Variants in CSMD1 observed in about 807,000 individuals in gnomAD.
CSMD1 encodes the protein CUB and Sushi multiple domains 1, also known as CUB and sushi domain-containing protein 1.
In CSMD1, 213 loss-of-function variants were observed where a neutral mutation model predicts 417.5. The observed-to-expected ratio is 0.51, with a 90% CI of 0.46 to 0.57. CSMD1 has a LOEUF of 0.57. CSMD1 is among the 20% of genes least tolerant of loss of function. The probability of loss-of-function intolerance (pLI) is 0.00; values close to 1 mark genes in which losing one functional copy is unlikely to be tolerated. For missense variants in CSMD1, 6,923 were observed against 4,529.7 expected (o/e 1.53, Z -15.17); for synonymous variants, 2,862 against 1,736.8 (o/e 1.65, Z -16.11).
At chr8:4,862,910 C>G (rs1802220977) in intron 1 of CSMD1, among the ~76,000 whole-genome samples, 1 of 151,938 alleles carries the variant, frequency 6.6e-6, no homozygotes, top group Admixed American at 6.6e-5. Context: ...GTGGGAGACA[C>G]AGCACCAAGA....
At position 3,452,110 on chromosome 8, in the gene CSMD1, C is replaced by G. The variant is rs564550517; in HGVS notation, c.1561+16602G>C. Reference sequence around the variant, plus strand: ...ATGGGAGTTCACTCATGATTTGGCTCTCTGTTTGTCTGTTATTGTTTTATA... The same window carrying G: ...ATGGGAGTTCACTCATGATTTGGCTGTCTGTTTGTCTGTTATTGTTTTATA... On this transcript the variant is annotated intron_variant, in intron 12 of 69. Coordinates refer to ENST00000635120, the MANE Select transcript of CSMD1 (RefSeq NM_033225.6). Among the ~76,000 whole-genome samples the G allele has an allele frequency of 2.3e-3, 349 of 152,232 alleles. 3 individuals carry two copies. Among genetic ancestry groups the G allele is most frequent in the African/African-American group, 8.0e-3 (331 of 41,540 alleles).
At chr8:4,106,053 G>A (rs543213733) in intron 3 of CSMD1, among the ~76,000 whole-genome samples, 13 of 152,314 alleles carry the variant, frequency 8.5e-5, no homozygotes, top group African/African-American at 3.1e-4. Context: ...CCAGATTTTA[G>A]GGGTGCCAGG....
intron 26 of CSMD1, among the ~76,000 whole-genome samples, chr8:3,276,779 A>G (rs1802326977): frequency 6.6e-6 from 1 of 152,224 alleles, no homozygotes; most frequent in African/African-American, 2.4e-5. Flanking sequence ...GCAAAGTCAT[A>G]CTAATATTTT....
At chr8:4,388,729 T>C (rs1267725220) in intron 3 of CSMD1, among the ~76,000 whole-genome samples, 2 of 152,210 alleles carry the variant, frequency 1.3e-5, no homozygotes, top group Non-Finnish European at 2.9e-5. Context: ...TACTTGTTTA[T>C]ACTTGGCAGA....
intron 35 of CSMD1, among the ~76,000 whole-genome samples, chr8:3,188,635 T>C (rs954895558): frequency 3.3e-5 from 5 of 152,022 alleles, no homozygotes; most frequent in African/African-American, 1.2e-4. Context: ...AATGGTACTT[T>C]TGATAGTTTT....
In CSMD1 at chr8:3,531,973, T is replaced by A. The variant is rs138386410; in HGVS notation, c.1345-38247A>T. Among the ~76,000 whole-genome samples the A allele has an allele frequency of 2.5e-3, 384 of 152,298 alleles. 2 individuals are homozygous for A. The highest frequency in any genetic ancestry group is 3.9e-3 in the Non-Finnish European group (267 of 68,026). ...CCACCTGCAAAATAAAAGACTGGAA[T>A]GGGGGATCCCACAGATTCATGCCCT... On this transcript the variant is annotated intron_variant, in intron 10 of 69. Coordinates refer to ENST00000635120, the MANE Select transcript of CSMD1 (RefSeq NM_033225.6).
At chr8:4,330,965 A>G (rs1051712757) in intron 3 of CSMD1, among the ~76,000 whole-genome samples, 1 of 151,910 alleles carries the variant, frequency 6.6e-6, no homozygotes, top group African/African-American at 2.4e-5. Flanking sequence ...TAAATGCAAG[A>G]CCCCCCGACA....
chr8:3,403,816 T>C (rs1001249801), intron 15 of CSMD1, among the ~76,000 whole-genome samples: 7 of 152,214 alleles, frequency 4.6e-5, no homozygotes, highest in Admixed American at 2.0e-4. Flanking sequence ...TGTGTATATA[T>C]TTACTCATTT....
chr8:3,904,269 C>T (rs1033259442), intron 5 of CSMD1, among the ~76,000 whole-genome samples: 1 of 152,184 alleles, frequency 6.6e-6, no homozygotes, highest in Non-Finnish European at 1.5e-5. Flanking sequence ...CCTTACCAAA[C>T]AAATCATAGG....
chr8:4,410,040 T>A (rs944702954), intron 3 of CSMD1, among the ~76,000 whole-genome samples: 3 of 152,072 alleles, frequency 2.0e-5, no homozygotes, highest in African/African-American at 7.2e-5. Context: ...TATCAAACTC[T>A]TGACCTTGTG....
chr8:3,948,102 A>G (rs1403219124), intron 5 of CSMD1, among the ~76,000 whole-genome samples: 1 of 152,140 alleles, frequency 6.6e-6, no homozygotes, highest in Non-Finnish European at 1.5e-5. Context: ...GCTACTCCGG[A>G]GGATGAGGCA....
At chr8:3,036,956 T>C (rs1030663517) in intron 50 of CSMD1, among the ~76,000 whole-genome samples, 4 of 152,302 alleles carry the variant, frequency 2.6e-5, no homozygotes, top group African/African-American at 9.6e-5. Context: ...TGTAGTCTTT[T>C]ATCCCTCACC....
At chr8:4,132,640 A>G (rs576317192) in intron 3 of CSMD1, among the ~76,000 whole-genome samples, 1 of 152,304 alleles carries the variant, frequency 6.6e-6, no homozygotes, top group South Asian at 2.1e-4. Flanking sequence ...TAAGCCAAAT[A>G]AATATTCTAT....
intron 1 of CSMD1, among the ~76,000 whole-genome samples, chr8:4,875,885 T>C (rs577541195): frequency 6.6e-6 from 1 of 152,070 alleles, no homozygotes; most frequent in African/African-American, 2.4e-5. Flanking sequence ...AGCCATTTAG[T>C]GAATATTTAA....
chr8:3,518,757 T>C (rs935995952), intron 10 of CSMD1, among the ~76,000 whole-genome samples: 1 of 152,128 alleles, frequency 6.6e-6, no homozygotes, highest in South Asian at 2.1e-4. Context: ...AACAGTTCAT[T>C]ACATGCTCTG....
intron 25 of CSMD1, among the ~76,000 whole-genome samples, chr8:3,286,218 G>T (rs1803144809): frequency 6.6e-6 from 1 of 152,126 alleles, no homozygotes; most frequent in Non-Finnish European, 1.5e-5. Context: ...TCTTAATCCA[G>T]TCTATCATTG....
chr8:4,568,603 T>C lies in CSMD1; in HGVS notation c.302+68739A>G, dbSNP rs536646719. On this transcript the variant is annotated intron_variant, in intron 2 of 69. Coordinates refer to ENST00000635120, the MANE Select transcript of CSMD1 (RefSeq NM_033225.6). ...CATACGTGTGCATGCATCTTCATAA[T>C]AGAAAGATGTATAATCCTATGGGTA... Among the ~76,000 whole-genome samples the C allele has an allele frequency of 4.6e-5, 7 of 152,282 alleles. No homozygotes were observed. In the East Asian group the frequency reaches 5.8e-4, roughly 13 times the overall value.
chr8:4,849,280 G>A (rs954547423), intron 1 of CSMD1, among the ~76,000 whole-genome samples: 1 of 152,014 alleles, frequency 6.6e-6, no homozygotes, highest in African/African-American at 2.4e-5. Flanking sequence ...ATTTTAATGT[G>A]TTATTACAAA....
intron 4 of CSMD1, among the ~76,000 whole-genome samples, chr8:4,030,657 T>C (rs1001364565): frequency 2.6e-5 from 4 of 152,198 alleles, no homozygotes; most frequent in Admixed American, 1.3e-4. Context: ...CCCATGGTCT[T>C]GGGGATTAAC....
Sources: gnomAD v4.1 joint callset for allele counts (sites outside exome capture counted in the v4.1 genomes callset) on GRCh38, gnomAD v4.1.1 for gene constraint, MANE v1.5 for transcripts, NCBI Gene and HGNC (gene_info 2026-07-23, HGNC 2026-07-21) for gene names.